The following PPFIBP2 variants were observed in gnomAD, a reference collection of about 807,000 sequenced individuals.
PPFIBP2 encodes the protein liprin-beta-2.
Under a neutral mutation model 118.3 loss-of-function variants are expected in PPFIBP2, and 118 were observed. The observed-to-expected ratio is 1.00, with a 90% CI of 0.86 to 1.16. The LOEUF (loss-of-function observed/expected upper bound fraction) is 1.16. Ranked by LOEUF, PPFIBP2 falls within the 50% of genes most tolerant of loss-of-function variation. PPFIBP2 has a pLI of 0.00. For synonymous variants in PPFIBP2, 414 were observed against 397.4 expected, an observed-to-expected ratio of 1.04 and a Z score of -0.50; for missense variants, 1,195 against 1,073.1, an observed-to-expected ratio of 1.11 and a Z score of -1.59.
At chr11:7,617,846 C>T in intron 6 of PPFIBP2, among the ~76,000 whole-genome samples, 1 of 152,174 alleles carries the variant, frequency 6.6e-6, no homozygotes, top group East Asian at 1.9e-4. Context: ...ATAATCACAT[C>T]AGGGTGATTT....
intron 2 of PPFIBP2, among the ~76,000 whole-genome samples, chr11:7,561,537 G>T (rs557799258): frequency 6.6e-6 from 1 of 152,114 alleles, no homozygotes; most frequent in African/African-American, 2.4e-5. Flanking sequence ...TGTATTTCTA[G>T]TTCAGTTTTT....
At position 7,525,579 on chromosome 11, in the gene PPFIBP2, A is replaced by G. The variant is rs185705865; in HGVS notation, c.-37+11458A>G. On this transcript the variant is annotated intron_variant, in intron 1 of 23. Coordinates refer to ENST00000299492, the MANE Select transcript of PPFIBP2 (RefSeq NM_003621.5). ...AGAAGTCCATGACAAGGTAGAGAAC[A>G]GCCCGGAATCAGGTGGCTGGTCACC... Among the ~76,000 whole-genome samples the G allele has an allele frequency of 4.6e-5, 7 of 152,330 alleles. No homozygotes were observed. In the East Asian group the frequency reaches 1.4e-3, roughly 29 times the overall value.
chr11:7,614,623 C>T (rs990292790), intron 6 of PPFIBP2, among the ~76,000 whole-genome samples: 53 of 152,068 alleles, frequency 3.5e-4, no homozygotes, highest in African/African-American at 1.3e-3. Context: ...ATTTATGGGT[C>T]AAGGAGTACA....
chr11:7,558,646 C>G (rs1429683809), intron 2 of PPFIBP2, among the ~76,000 whole-genome samples: 1 of 151,828 alleles, frequency 6.6e-6, no homozygotes, highest in Non-Finnish European at 1.5e-5. Context: ...CTCCCACCTA[C>G]TCGGGAGGCT....
chr11:7,617,102 C>A, intron 6 of PPFIBP2: 1 of 985,256 alleles, frequency 1.0e-6, no homozygotes, highest in Non-Finnish European at 1.2e-6. Context: ...CTTTCTTTTC[C>A]TTCCTACAGT....
At chr11:7,588,341 G>C (rs1320713293) in intron 3 of PPFIBP2, among the ~76,000 whole-genome samples, 2 of 152,110 alleles carry the variant, frequency 1.3e-5, no homozygotes, top group East Asian at 3.8e-4. Flanking sequence ...TTCTCTCTCT[G>C]TCCTCTCCCT....
the PPFIBP2 span, among the ~76,000 whole-genome samples, chr11:7,662,878 C>T: frequency 1.3e-4 from 19 of 146,704 alleles, 1 homozygote; most frequent in East Asian, 2.3e-3. Flanking sequence ...AACTTCCCTT[C>T]TCGCTTCATT....
At chr11:7,606,464 G>A (rs529895340) in intron 5 of PPFIBP2, among the ~76,000 whole-genome samples, 3 of 152,270 alleles carry the variant, frequency 2.0e-5, no homozygotes, top group South Asian at 4.2e-4. Context: ...GACCAAAACA[G>A]TAATCATGAC....
chr11:7,546,698 A>G (rs1852362617), intron 1 of PPFIBP2, among the ~76,000 whole-genome samples: 1 of 152,200 alleles, frequency 6.6e-6, no homozygotes, highest in Non-Finnish European at 1.5e-5. Context: ...AATCTCATCA[A>G]CCATTTTGGC....
intron 3 of PPFIBP2, among the ~76,000 whole-genome samples, chr11:7,569,650 G>C (rs935660715): frequency 8.5e-5 from 13 of 152,210 alleles, no homozygotes; most frequent in Admixed American, 1.3e-4. Context: ...TGCAGAGGAA[G>C]CATCAGGGAG....
At chr11:7,631,712 C>A (rs924238270) in intron 11 of PPFIBP2, among the ~76,000 whole-genome samples, 1 of 152,148 alleles carries the variant, frequency 6.6e-6, no homozygotes, top group South Asian at 2.1e-4. Flanking sequence ...TTCAGTTCAA[C>A]CTTTTTAATT....
chr11:7,553,503 A>G (rs1853234771), intron 2 of PPFIBP2, among the ~76,000 whole-genome samples: 1 of 152,210 alleles, frequency 6.6e-6, no homozygotes, highest in African/African-American at 2.4e-5. Flanking sequence ...ATTGGGCCAA[A>G]GAGGTTAAGA....
At chr11:7,575,854 G>A (rs1010367837) in intron 3 of PPFIBP2, among the ~76,000 whole-genome samples, 1 of 152,220 alleles carries the variant, frequency 6.6e-6, no homozygotes, top group African/African-American at 2.4e-5. Flanking sequence ...TGTGGAGCAG[G>A]GCCAGAGGTG....
At position 7,652,934 on chromosome 11, in the gene PPFIBP2, T is replaced by A. The variant is rs1037855999; in HGVS notation, c.2437-90T>A. ...AGTTTACATTATTCCTCTCCTTGAGTGCCTGCTCTTAAATTTTAAGTATAT... is the reference window on the plus strand; with the variant it reads ...AGTTTACATTATTCCTCTCCTTGAGAGCCTGCTCTTAAATTTTAAGTATAT... On this transcript the variant is annotated intron_variant, in intron 23 of 23. Transcript: ENST00000299492. 2.2e-6 allele frequency: 3 copies of A among 1,392,328 alleles called. No individual in the cohort carries two copies. In the East Asian group the frequency reaches 6.9e-5, roughly 32 times the overall value. The allele number at this position is 1,392,328 out of a possible 1,614,324, so 86.2% of individuals were successfully genotyped here.
chr11:7,568,012 G>T (rs1052632566), intron 3 of PPFIBP2, among the ~76,000 whole-genome samples: 1 of 152,142 alleles, frequency 6.6e-6, no homozygotes, highest in African/African-American at 2.4e-5. Context: ...GAAGGATTAG[G>T]CAGCACTGCC....
intron 2 of PPFIBP2, among the ~76,000 whole-genome samples, chr11:7,557,970 G>A (rs186689636): frequency 9.9e-5 from 15 of 152,264 alleles, no homozygotes; most frequent in Admixed American, 8.5e-4. Context: ...TTCATCTCAT[G>A]CCAAAGAACT....
At chr11:7,521,878 A>AGAGT (rs1463468286) in intron 1 of PPFIBP2, among the ~76,000 whole-genome samples, 1 of 152,308 alleles carries the variant, frequency 6.6e-6, no homozygotes, top group Admixed American at 6.5e-5. Flanking sequence ...GGCCCAGTGA[A>AGAGT]GAGTGGGCCC....
At chr11:7,659,386 A>G (rs1484505212), downstream of PPFIBP2, among the ~76,000 whole-genome samples, 1 of 124,622 alleles carries the variant, frequency 8.0e-6, no homozygotes, top group Admixed American at 8.0e-5. Context: ...TCCCAGCACC[A>G]TTTATTAAAT....
chr11:7,645,047 A>C (rs1248528967), intron 17 of PPFIBP2, among the ~76,000 whole-genome samples: 2 of 148,074 alleles, frequency 1.4e-5, no homozygotes, highest in Non-Finnish European at 3.0e-5. Context: ...AAAAAAAAAA[A>C]AAAAAAAAAA....
Sources: gnomAD v4.1 joint callset for allele counts (sites outside exome capture counted in the v4.1 genomes callset) on GRCh38, gnomAD v4.1.1 for gene constraint, MANE v1.5 for transcripts, NCBI Gene and HGNC (gene_info 2026-07-23, HGNC 2026-07-21) for gene names.